The following ADAM8 variants were observed in gnomAD, a reference collection of about 807,000 sequenced individuals.
ADAM8 encodes the protein ADAM metallopeptidase domain 8, also known as disintegrin and metalloproteinase domain-containing protein 8.
In ADAM8, 104 loss-of-function variants were observed where a neutral mutation model predicts 102.4. The ratio of observed to expected loss-of-function variants is 1.02; its 90% CI spans 0.87 to 1.20. The LOEUF (loss-of-function observed/expected upper bound fraction) is 1.20. Among genes scored for constraint, ADAM8 ranks in the 50% most tolerant of loss-of-function variants. The probability of loss-of-function intolerance (pLI) is 0.00; values close to 1 mark genes in which losing one functional copy is unlikely to be tolerated. For synonymous variants in ADAM8, 517 were observed against 485.2 expected, an observed-to-expected ratio of 1.07 and a Z score of -0.86; for missense variants, 1,132 against 1,159.0, an observed-to-expected ratio of 0.98 and a Z score of 0.34.
chr10:133,273,923 C>A, intron 4 of ADAM8, 28 bp downstream of exon 4: 1 of 1,574,798 alleles, frequency 6.4e-7, no homozygotes, highest in Admixed American at 1.8e-5. Flanking sequence ...CCCTACCTGC[C>A]CGCCCAGCTG....
In ADAM8 at chr10:133,272,269, A is replaced by G; in HGVS notation, c.881T>C (p.Val294Ala). The G allele has an allele frequency of 6.5e-7, 1 of 1,533,492 alleles. No homozygotes were observed. Among genetic ancestry groups the G allele is most frequent in the Non-Finnish European group, 8.8e-7 (1 of 1,135,656 alleles). 95.0% of individuals were successfully genotyped at this position (1,533,492 alleles called of 1,614,324 possible). A position where few individuals can be genotyped will look rare whatever the true frequency, so the allele number is the denominator to read the frequency against. ...CCCCACGGTAGTCCCGGTGAAGTCG[A>G]CACCCCTGGAAGTGGGAGTGACACA... ...LHDNVQLITGVDFTGTTVGFA... is the reference protein window; with the variant it reads ...LHDNVQLITGADFTGTTVGFA... The change falls in exon 10 of 23, where the codon GTC becomes GCC. Residue 294 changes from valine to alanine, a missense_variant. Physicochemically the swap from Val to Ala is moderately conservative, Grantham distance 64. Transcript: ENST00000445355.
Position 133,276,811 on chromosome 10 carries a change from C to T in ADAM8, c.7G>A (p.Gly3Ser). ...GCGCCCAGCAGCCAGAGCCCGAGGCCGCGCATGGCCGGGTCGGGGAGCAGA... is the reference window on the plus strand; with the variant it reads ...GCGCCCAGCAGCCAGAGCCCGAGGCTGCGCATGGCCGGGTCGGGGAGCAGA... MRGLGLWLLGAMM... is the reference protein window; with the variant it reads MRSLGLWLLGAMM... The change falls in exon 1 of 23, where the codon GGC becomes AGC. Residue 3 changes from glycine to serine, a missense_variant. Gly to Ser is a moderately conservative substitution (Grantham distance 56, BLOSUM62 0). Transcript: ENST00000445355. The T allele has an allele frequency of 6.5e-7, 1 of 1,528,176 alleles. No homozygotes were observed. The highest frequency in any genetic ancestry group is 1.2e-5 in the South Asian group (1 of 82,494). 94.7% of individuals were successfully genotyped at this position (1,528,176 alleles called of 1,614,324 possible).
chr10:133,271,716 G>T lies in ADAM8; in HGVS notation c.1107-11C>A. 1.9e-6 allele frequency: 3 copies of T among 1,547,794 alleles called. No individual in the cohort carries two copies. Among genetic ancestry groups the T allele is most frequent in the Non-Finnish European group, 2.6e-6 (3 of 1,144,766 alleles). On this transcript the variant is annotated splice_polypyrimidine_tract_variant and intron_variant, in intron 11 of 22. Coordinates refer to ENST00000445355, the MANE Select transcript of ADAM8 (RefSeq NM_001109.5). ...CTGGGGAAACTGGAGCTGGGGAGGC[G>T]GGGCAGCATTGGGGGAGGCGGCCTG...
At chr10:133,270,042 G>T in intron 16 of ADAM8, 68 bp from the exon 17 acceptor site, 1 of 1,541,390 alleles carries the variant, frequency 6.5e-7, no homozygotes. Context: ...CCTTGAAACT[G>T]CATGGTAAGC....
chr10:133,269,178 G>A (rs1329107003), intron 18 of ADAM8: 20 of 984,948 alleles, frequency 2.0e-5, no homozygotes, highest in Non-Finnish European at 2.3e-5. Context: ...AGGAGGGGCT[G>A]GAAGACACAG....
At chr10:133,269,221 T>C in intron 18 of ADAM8, 1 of 974,502 alleles carries the variant, frequency 1.0e-6, no homozygotes. Flanking sequence ...CTCACGGCCG[T>C]GCCCTGCCCT....
rs781465647 is a variant in ADAM8 at position 133,271,250 on chromosome 10, G to C, written c.1324C>G (p.Leu442Val). Reference sequence around the variant, plus strand: ...TGCGCACACTGGGCCCCCTCAGCCAGCTGGCAGGTGGTAGAGTTGCAGCAG... The same window carrying C: ...TGCGCACACTGGGCCCCCTCAGCCACCTGGCAGGTGGTAGAGTTGCAGCAG... ...NRCCNSTTCQ[L>V]AEGAQCAHGT... Residue 442 changes from leucine (L) to valine (V), a missense_variant, in exon 13 of 23, where the codon CTG becomes GTG. Leu to Val is a conservative substitution (Grantham distance 32). Coordinates refer to ENST00000445355, the MANE Select transcript of ADAM8 (RefSeq NM_001109.5). 6.2e-7 allele frequency: 1 copy of C among 1,611,362 alleles called. No homozygotes were observed. The highest frequency in any genetic ancestry group is 1.7e-5 in the Admixed American group (1 of 59,916).
chr10:133,264,049 T>C (rs1392304025), intron 21 of ADAM8, among the ~76,000 whole-genome samples: 2 of 144,754 alleles, frequency 1.4e-5, no homozygotes, highest in African/African-American at 5.1e-5. Flanking sequence ...CAAGAGCTTT[T>C]TTCCTTTCCT....
At chr10:133,274,453 A>AGTGGAGG (rs1846668871) in intron 2 of ADAM8, among the ~76,000 whole-genome samples, 1 of 37,590 alleles carries the variant, frequency 2.7e-5, no homozygotes, top group Non-Finnish European at 4.9e-5. Flanking sequence ...GAGGGTGGAG[A>AGTGGAGG]GTGGAGGGTG....
At position 133,272,861 on chromosome 10, in the gene ADAM8, C is replaced by T. The variant is rs1846595106; in HGVS notation, c.642G>A (p.Gln214=). The T allele has an allele frequency of 1.2e-6, 2 of 1,611,474 alleles. No homozygotes were observed. The highest frequency in any genetic ancestry group is 4.5e-5 in the East Asian group (2 of 44,836). Residue 214 remains glutamine, a synonymous_variant, in exon 8 of 23, where the codon CAG becomes CAA. Transcript: ENST00000445355. ...GCACGGCTGCTTCGCTCCCCAGCATCTGGAACTGGGGACACGAGACCCTCA... is the reference window on the plus strand; with the variant it reads ...GCACGGCTGCTTCGCTCCCCAGCATTTGGAACTGGGGACACGAGACCCTCA... The part of the protein sequence containing the change: ...LYVVVDNAEF[Q]MLGSEAAVRH...
In ADAM8 at chr10:133,269,699, C is replaced by G. The variant is rs531088196; in HGVS notation, c.1864-170G>C. ...CTCCATGTAGCCCCTGCCCGCTGCC[C>G]GGTGACCATGCAGGTTCCATCCACG... On this transcript the variant is annotated intron_variant, in intron 17 of 22. Coordinates refer to ENST00000445355, the MANE Select transcript of ADAM8 (RefSeq NM_001109.5). 1.5e-4 allele frequency among the ~76,000 whole-genome samples: 23 copies of G among 152,324 alleles called. No homozygotes were observed. The South Asian group carries it at 4.6e-3, about 30-fold the overall frequency.
intron 21 of ADAM8, among the ~76,000 whole-genome samples, chr10:133,264,152 C>T (rs939675342): frequency 2.3e-4 from 34 of 150,694 alleles, no homozygotes; most frequent in African/African-American, 6.9e-4. Context: ...GCTTCCTCTT[C>T]CTGGGTTCAA....
At chr10:133,270,006 C>A (rs758531654) in intron 16 of ADAM8, 32 bp from the exon 17 acceptor site, 1 of 1,606,350 alleles carries the variant, frequency 6.2e-7, no homozygotes, top group Non-Finnish European at 8.5e-7. Context: ...CAGGCAGCCG[C>A]TCTGGACCTC....
Position 133,271,031 on chromosome 10 carries a change from T to A in ADAM8, c.1414A>T (p.Met472Leu). ...AGELCRPKKDMCDLEEFCDGR... is the reference protein window; with the variant it reads ...AGELCRPKKDLCDLEEFCDGR... ...TCACAGAACTCCTCGAGGTCACACA[T>A]GTCCTTCTTGGGACGGCACAGCTCA... Residue 472 changes from methionine to leucine, a missense_variant, in exon 14 of 23, where the codon ATG becomes TTG. Met to Leu is a conservative substitution (Grantham distance 15). Coordinates refer to ENST00000445355, the MANE Select transcript of ADAM8 (RefSeq NM_001109.5). 6.2e-7 allele frequency: 1 copy of A among 1,612,560 alleles called. No individual in the cohort carries two copies. Among genetic ancestry groups the A allele is most frequent in the Non-Finnish European group, 8.5e-7 (1 of 1,179,870 alleles).
At chr10:133,269,677 C>T (rs946979396) in intron 17 of ADAM8, 148 bp from the exon 18 acceptor site, 1 of 955,204 alleles carries the variant, frequency 1.0e-6, no homozygotes, top group Non-Finnish European at 1.5e-6. Context: ...GAGGCCTCTC[C>T]ATGTAGCCCC....
intron 1 of ADAM8, chr10:133,275,825 G>A (rs1476588046): frequency 6.7e-6 from 3 of 446,952 alleles, no homozygotes; most frequent in Middle Eastern, 5.6e-4. Flanking sequence ...GCTCAGAGAC[G>A]CTGTGGGTGC....
intron 8 of ADAM8, 67 bp downstream of exon 8, chr10:133,272,731 T>A: frequency 1.3e-6 from 2 of 1,484,508 alleles, no homozygotes; most frequent in Non-Finnish European, 1.8e-6. Context: ...GAATGAACCC[T>A]GTGGCAACAC....
At position 133,268,743 on chromosome 10, in the gene ADAM8, C is replaced by T; in HGVS notation, c.2063+5G>A. ...ACCCTCCGTCACAGCCCCCACCACCCTCACCTGCTCAGGATGCGGCTCCGG... is the reference window on the plus strand; with the variant it reads ...ACCCTCCGTCACAGCCCCCACCACCTTCACCTGCTCAGGATGCGGCTCCGG... On this transcript the variant is annotated splice_donor_5th_base_variant and intron_variant, in intron 19 of 22. Coordinates refer to ENST00000445355, the MANE Select transcript of ADAM8 (RefSeq NM_001109.5). 6.2e-7 allele frequency: 1 copy of T among 1,608,422 alleles called. No individual in the cohort carries two copies. The highest frequency in any genetic ancestry group is 8.5e-7 in the Non-Finnish European group (1 of 1,179,200).
In ADAM8 at chr10:133,268,776, G is replaced by A. The variant is rs375190516; in HGVS notation, c.2035C>T (p.Arg679Cys). The change falls in exon 19 of 23, where the codon CGC becomes TGC. Residue 679 changes from arginine to cysteine, a missense_variant. Coordinates refer to ENST00000445355, the MANE Select transcript of ADAM8 (RefSeq NM_001109.5). ...CTCAGGATGCGGCTCCGGGCTTTGC[G>A]GTAGACGATGATGCCTGCCAGGGTG... is the stretch of plus-strand genomic sequence containing the variant. ...LVTLAGIIVYRKARSRILSRN... is the reference protein window; with the variant it reads ...LVTLAGIIVYCKARSRILSRN... The A allele has an allele frequency of 1.1e-5, 17 of 1,610,808 alleles. 1 individual carries two copies. Among genetic ancestry groups the A allele is most frequent in the South Asian group, 3.3e-5 (3 of 91,052 alleles).
Sources: allele counts gnomAD v4.1 joint callset (sites outside exome capture counted in the v4.1 genomes callset), GRCh38; gene constraint gnomAD v4.1.1; transcripts MANE v1.5; gene names NCBI Gene and HGNC (gene_info 2026-07-23, HGNC 2026-07-21).